Variants in ANKRD46 observed in about 807,000 individuals in gnomAD.
ANKRD46 encodes the protein ankyrin repeat domain 46.
A neutral mutation model predicts 19.8 loss-of-function variants in ANKRD46; 13 were observed. The observed-to-expected ratio is 0.66, with a 90% CI of 0.43 to 1.04. The LOEUF is 1.04. Among genes scored for constraint, ANKRD46 ranks in the 50% least tolerant of loss-of-function variants. The pLI is 0.00. For synonymous variants in ANKRD46, 91 were observed against 106.9 expected, an observed-to-expected ratio of 0.85 and a Z score of 0.92; for missense variants, 185 against 274.8, an observed-to-expected ratio of 0.67 and a Z score of 2.31.
Position 100,546,453 on chromosome 8 carries a change from T to C in ANKRD46, c.-130-13142A>G, listed in dbSNP as rs773415050. 6.6e-6 allele frequency among the ~76,000 whole-genome samples: 1 copy of C among 152,246 alleles called. No individual in the cohort carries two copies. Among genetic ancestry groups the C allele is most frequent in the Non-Finnish European group, 1.5e-5 (1 of 68,046 alleles). On this transcript the variant is annotated intron_variant, in intron 1 of 4. Coordinates refer to ENST00000335659, the MANE Select transcript of ANKRD46 (RefSeq NM_001270377.2). The surrounding 1 kb of genome is among the most constrained non-coding windows in gnomAD (Gnocchi z 4.0). ...AAGCCTTGGCAGCTTCCATGTGGTG[T>C]TGGGCCTGTAGGTGTGCAGAAGACA...
In ANKRD46 at chr8:100,511,021, A is replaced by G. The variant is rs995104424; in HGVS notation, c.637-382T>C. Among the ~76,000 whole-genome samples the G allele has an allele frequency of 3.9e-5, 6 of 152,230 alleles. No individual in the cohort carries two copies. The highest frequency in any genetic ancestry group is 7.3e-5 in the Non-Finnish European group (5 of 68,036). On this transcript the variant is annotated intron_variant, in intron 5 of 5. Coordinates refer to the ANKRD46 transcript ENST00000520552. The surrounding 1 kb of genome is among the most constrained non-coding windows in gnomAD (Gnocchi z 4.1). ...TCTTTCAGCAAATAAATGCTTCCTA[A>G]TGCAGCACAGGGCAGAGCTCTAGAT... is the stretch of plus-strand genomic sequence containing the variant.
intron 1 of ANKRD46, among the ~76,000 whole-genome samples, chr8:100,541,980 G>A (rs972655131): frequency 6.6e-6 from 1 of 152,094 alleles, no homozygotes; most frequent in South Asian, 2.1e-4. Flanking sequence ...CTTGTATCTA[G>A]GTTTGGGTAG....
Position 100,511,850 on chromosome 8 carries a change from C to A in ANKRD46, c.637-1211G>T, listed in dbSNP as rs553851455. On this transcript the variant is annotated intron_variant, in intron 5 of 5. Transcript: ENST00000520552. The surrounding 1 kb of genome is among the most constrained non-coding windows in gnomAD (Gnocchi z 4.1). ...ACCAGCCTGGCCAACAATGGTGAAA[C>A]GCCATCTCTACTAAAAATACAAAAA... is the stretch of plus-strand genomic sequence containing the variant. Among the ~76,000 whole-genome samples the A allele has an allele frequency of 6.6e-6, 1 of 152,284 alleles. No homozygotes were observed. Among genetic ancestry groups the A allele is most frequent in the African/African-American group, 2.4e-5 (1 of 41,558 alleles).
rs1284201201 is a variant in ANKRD46, at chr8:100,534,733, C to G, written c.-130-1422G>C. On this transcript the variant is annotated intron_variant, in intron 1 of 4. Coordinates refer to ENST00000335659, the MANE Select transcript of ANKRD46 (RefSeq NM_001270377.2). The surrounding 1 kb of genome is among the most constrained non-coding windows in gnomAD (Gnocchi z 4.2). ...CATGCCCCCAAATAATCCTAATGTT[C>G]TCTTAAATCCACAAGAAGGACAATG... Among the ~76,000 whole-genome samples the G allele has an allele frequency of 6.6e-6, 1 of 152,152 alleles. No homozygotes were observed. The highest frequency in any genetic ancestry group is 2.4e-5 in the African/African-American group (1 of 41,430).
At position 100,524,730 on chromosome 8, in the gene ANKRD46, C is replaced by T. The variant is rs1811806784; in HGVS notation, c.471-1959G>A. Among the ~76,000 whole-genome samples the T allele has an allele frequency of 1.3e-5, 2 of 152,074 alleles. No individual in the cohort carries two copies. Among genetic ancestry groups the T allele is most frequent in the African/African-American group, 4.8e-5 (2 of 41,408 alleles). ...TTTATTGATTACGAGTTGACATGCC[C>T]TTATACATGTTAGGTATAAAATGAA... On this transcript the variant is annotated intron_variant, in intron 4 of 4. Coordinates refer to ENST00000335659, the MANE Select transcript of ANKRD46 (RefSeq NM_001270377.2). This position sits in a 1 kb window ranked among gnomAD's most constrained non-coding sequence, Gnocchi z 4.3.
rs938754988 is a variant in ANKRD46, at chr8:100,520,784, T to C, written c.*1771A>G. On this transcript the variant is annotated 3_prime_UTR_variant, in exon 5 of 5. Coordinates refer to ENST00000335659, the MANE Select transcript of ANKRD46 (RefSeq NM_001270377.2). ...AGAGAAATCGTGATTAAGGGATATA[T>C]AAATACATTTATTGGTGGTATTCCT... is the stretch of plus-strand genomic sequence containing the variant. The C allele has an allele frequency of 2.2e-6, 2 of 924,754 alleles. No individual in the cohort carries two copies. Among genetic ancestry groups the C allele is most frequent in the East Asian group, 1.2e-4 (1 of 8,516 alleles). 57.3% of individuals were successfully genotyped at this position (924,754 alleles called of 1,614,324 possible).
At chr8:100,553,064 A>G (rs540284322) in intron 1 of ANKRD46, among the ~76,000 whole-genome samples, 41 of 152,372 alleles carry the variant, frequency 2.7e-4, no homozygotes, top group Admixed American at 2.0e-3. Flanking sequence ...AGCTGAATCC[A>G]GGCCTAAGAA....
chr8:100,528,140 C>A, intron 3 of ANKRD46, 137 bp from the exon 4 acceptor site: 2 of 960,416 alleles, frequency 2.1e-6, no homozygotes, highest in Non-Finnish European at 2.9e-6. Context: ...TTAGGGCCTA[C>A]CCTAGGGCTG....
rs1811531337 is a variant in ANKRD46 at position 100,510,410 on chromosome 8, G to C, written c.*167C>G. 1 of 556,372 alleles carries C rather than the reference G, an allele frequency of 1.8e-6. No homozygotes were observed. Among genetic ancestry groups the C allele is most frequent in the South Asian group, 3.8e-5 (1 of 26,658 alleles). 34.5% of individuals were successfully genotyped at this position (556,372 alleles called of 1,614,324 possible). ...CCTGCAGGGCAGGACTGGAGAGGAG[G>C]GGACAGGTGGTAGCAGGTCCCTCTG... On this transcript the variant is annotated 3_prime_UTR_variant, in exon 6 of 6. Coordinates refer to the ANKRD46 transcript ENST00000520552. This position sits in a 1 kb window ranked among gnomAD's most constrained non-coding sequence, Gnocchi z 4.9.
At chr8:100,542,627 G>C (rs1334731355) in intron 1 of ANKRD46, among the ~76,000 whole-genome samples, 1 of 152,048 alleles carries the variant, frequency 6.6e-6, no homozygotes, top group Non-Finnish European at 1.5e-5. Flanking sequence ...TTTTGGGAAG[G>C]AGTCTTTTTT....
chr8:100,529,365 C>A lies in ANKRD46; in HGVS notation c.311+158G>T, dbSNP rs1399059540. Among the ~76,000 whole-genome samples, 4 of 152,208 alleles carry A rather than the reference C, an allele frequency of 2.6e-5. No individual in the cohort carries two copies. Among genetic ancestry groups the A allele is most frequent in the African/African-American group, 9.7e-5 (4 of 41,448 alleles). On this transcript the variant is annotated intron_variant, in intron 3 of 4. Coordinates refer to ENST00000335659, the MANE Select transcript of ANKRD46 (RefSeq NM_001270377.2). The surrounding 1 kb of genome is among the most constrained non-coding windows in gnomAD (Gnocchi z 5.8). ...AAAATCTAGAAGTCAGCCCCTCATT[C>A]CCTCACTTGCCTAACAGGATTACAC...
In ANKRD46 at chr8:100,527,762, G is replaced by T; in HGVS notation, c.470+83C>A. On this transcript the variant is annotated intron_variant, in intron 4 of 4. Coordinates refer to ENST00000335659, the MANE Select transcript of ANKRD46 (RefSeq NM_001270377.2). This position sits in a 1 kb window ranked among gnomAD's most constrained non-coding sequence, Gnocchi z 4.0. ...TGCCTATAGTCCCAGCTAGTCAGGA[G>T]GCTGAGGCAGGAAGAATGCTTGAGC... is the stretch of plus-strand genomic sequence containing the variant. 6.9e-7 allele frequency: 1 copy of T among 1,442,940 alleles called. No homozygotes were observed. Among genetic ancestry groups the T allele is most frequent in the Non-Finnish European group, 9.3e-7 (1 of 1,077,920 alleles). The allele number at this position is 1,442,940 out of a possible 1,614,324, so 89.4% of individuals were successfully genotyped here. A position where few individuals can be genotyped will look rare whatever the true frequency, so the allele number is the denominator to read the frequency against.
At position 100,515,505 on chromosome 8, in the gene ANKRD46, C is replaced by G. The variant is rs144180890; in HGVS notation, c.637-4866G>C. Among the ~76,000 whole-genome samples, 347 of 152,294 alleles carry G rather than the reference C, an allele frequency of 2.3e-3. 2 individuals carry two copies. Among genetic ancestry groups the G allele is most frequent in the Admixed American group, 4.3e-3 (66 of 15,300 alleles). ...AAACTAGGTTACAGAAATCCACATC[C>G]TCAGCTATGACTATCAGCTTGATGA... On this transcript the variant is annotated intron_variant, in intron 5 of 5. Coordinates refer to the ANKRD46 transcript ENST00000520552.
chr8:100,537,790 C>T lies in ANKRD46; in HGVS notation c.-130-4479G>A, dbSNP rs1372818092. 6.6e-6 allele frequency among the ~76,000 whole-genome samples: 1 copy of T among 152,188 alleles called. No homozygotes were observed. The highest frequency in any genetic ancestry group is 1.5e-5 in the Non-Finnish European group (1 of 68,032). ...TCTTCAGTCTGCTTATCTTCAGCAG[C>T]TATTTAAACAGCAACTCTTTCTCTA... On this transcript the variant is annotated intron_variant, in intron 1 of 4. Coordinates refer to ENST00000335659, the MANE Select transcript of ANKRD46 (RefSeq NM_001270377.2). The surrounding 1 kb of genome is among the most constrained non-coding windows in gnomAD (Gnocchi z 4.2).
rs1486286360 is a variant in ANKRD46 at position 100,532,619 on chromosome 8, G to C, written c.-28+590C>G. Among the ~76,000 whole-genome samples, 2 of 152,124 alleles carry C rather than the reference G, an allele frequency of 1.3e-5. No individual in the cohort carries two copies. The highest frequency in any genetic ancestry group is 2.9e-5 in the Non-Finnish European group (2 of 68,020). On this transcript the variant is annotated intron_variant, in intron 2 of 4. Coordinates refer to ENST00000335659, the MANE Select transcript of ANKRD46 (RefSeq NM_001270377.2). This position sits in a 1 kb window ranked among gnomAD's most constrained non-coding sequence, Gnocchi z 4.7. The stretch of plus-strand genomic sequence containing the variant: ...GGGTGTCCAACATTTCGGCTTCCCT[G>C]GGTCACAATGGAAGAAGAATTGTCT...
chr8:100,529,030 C>T lies in ANKRD46; in HGVS notation c.311+493G>A, dbSNP rs898754431. Among the ~76,000 whole-genome samples, 1 of 152,208 alleles carries T rather than the reference C, an allele frequency of 6.6e-6. No homozygotes were observed. Among genetic ancestry groups the T allele is most frequent in the Non-Finnish European group, 1.5e-5 (1 of 68,024 alleles). On this transcript the variant is annotated intron_variant, in intron 3 of 4. Transcript: ENST00000335659. This position sits in a 1 kb window ranked among gnomAD's most constrained non-coding sequence, Gnocchi z 5.8. ...CGTTACATGACAGAAGGCACACAAG[C>T]GTTAGAGTCAGCGGAACTAGGTTCA...
At chr8:100,514,487 T>A (rs897342652) in intron 5 of ANKRD46, among the ~76,000 whole-genome samples, 2 of 151,806 alleles carry the variant, frequency 1.3e-5, no homozygotes, top group African/African-American at 4.8e-5. Flanking sequence ...TAATCCAAGT[T>A]AAAAACAACA....
chr8:100,545,415 C>T lies in ANKRD46; in HGVS notation c.-130-12104G>A, dbSNP rs1030242651. The stretch of plus-strand genomic sequence containing the variant: ...AAGATCAGACGGTTTTAAAATTGGT[C>T]GTTTCCCCTACACATTCTCTCTTGC... On this transcript the variant is annotated intron_variant, in intron 1 of 4. Coordinates refer to ENST00000335659, the MANE Select transcript of ANKRD46 (RefSeq NM_001270377.2). The surrounding 1 kb of genome is among the most constrained non-coding windows in gnomAD (Gnocchi z 4.7). 9.9e-5 allele frequency among the ~76,000 whole-genome samples: 15 copies of T among 152,192 alleles called. No individual in the cohort carries two copies. Among genetic ancestry groups the T allele is most frequent in the African/African-American group, 3.6e-4 (15 of 41,540 alleles).
intron 4 of ANKRD46, among the ~76,000 whole-genome samples, chr8:100,523,126 G>C (rs1366230038): frequency 6.6e-6 from 1 of 150,884 alleles, no homozygotes; most frequent in Non-Finnish European, 1.5e-5. Context: ...CCAGGAGTTC[G>C]GGACCAGCCT....
Sources: allele counts gnomAD v4.1 joint callset (sites outside exome capture counted in the v4.1 genomes callset), GRCh38; gene constraint gnomAD v4.1.1; non-coding constraint Gnocchi (gnomAD v3.1); transcripts MANE v1.5; gene names NCBI Gene and HGNC (gene_info 2026-07-23, HGNC 2026-07-21).